Variants in ATP2B2 observed in about 807,000 individuals in gnomAD.
ATP2B2 encodes the protein ATPase plasma membrane Ca2+ transporting 2, also known as plasma membrane calcium-transporting ATPase 2.
Under a neutral mutation model 120.0 loss-of-function variants are expected in ATP2B2, and 15 were observed. The ratio of observed to expected loss-of-function variants is 0.12; its 90% confidence interval spans 0.08 to 0.19. The LOEUF (loss-of-function observed/expected upper bound fraction) is 0.19. ATP2B2 is among the 10% of genes least tolerant of loss of function. ATP2B2 has a pLI of 1.00. For synonymous variants in ATP2B2, 694 were observed against 700.3 expected, an observed-to-expected ratio of 0.99 and a Z score of 0.14; for missense variants, 1,045 against 1,719.8, an observed-to-expected ratio of 0.61 and a Z score of 6.94.
chr3:10,504,793 G>A (rs1479671480), intron 1 of ATP2B2, among the ~76,000 whole-genome samples: 2 of 152,112 alleles, frequency 1.3e-5, no homozygotes, highest in African/African-American at 4.8e-5. Context: ...CTTCTGGGCA[G>A]AGGGTGCCGA....
At chr3:10,654,006 G>A (rs1371845876) in intron 1 of ATP2B2, among the ~76,000 whole-genome samples, 1 of 152,044 alleles carries the variant, frequency 6.6e-6, no homozygotes, top group East Asian at 1.9e-4. Context: ...TTCCTACACA[G>A]CATCAACCTC....
chr3:10,536,152 T>G (rs2067309097), intron 2 of ATP2B2, among the ~76,000 whole-genome samples: 2 of 152,322 alleles, frequency 1.3e-5, no homozygotes, highest in South Asian at 4.1e-4. Flanking sequence ...TTCACGTGCT[T>G]ATTTGTCATC....
chr3:10,559,413 A>C (rs933303478), intron 2 of ATP2B2, among the ~76,000 whole-genome samples: 3 of 152,220 alleles, frequency 2.0e-5, no homozygotes, highest in Admixed American at 2.0e-4. Context: ...CAGAGAAATG[A>C]TAAACGTTTG....
chr3:10,504,903 A>G (rs1056705234), intron 1 of ATP2B2, among the ~76,000 whole-genome samples: 2 of 151,872 alleles, frequency 1.3e-5, no homozygotes, highest in African/African-American at 4.8e-5. Flanking sequence ...CTGCCACCAC[A>G]TGACCCGGCT....
chr3:10,589,889 GT>G (rs1170194418), intron 2 of ATP2B2, among the ~76,000 whole-genome samples: 2 of 152,266 alleles, frequency 1.3e-5, no homozygotes, highest in African/African-American at 4.8e-5. Context: ...TTCTTATAAG[GT>G]GTGACATAAA....
intron 1 of ATP2B2, among the ~76,000 whole-genome samples, chr3:10,699,175 C>T (rs758760337): frequency 3.9e-5 from 6 of 152,202 alleles, no homozygotes; most frequent in African/African-American, 2.4e-5. Context: ...TCTTCTTTCA[C>T]CCTAAACAGT....
At chr3:10,387,984 C>T (rs2061730781) in intron 6 of ATP2B2, 3 of 414,366 alleles carry the variant, frequency 7.2e-6, no homozygotes, top group African/African-American at 6.1e-5. Flanking sequence ...GCTGTTTCCA[C>T]CACTTGAGGC....
chr3:10,383,211 C>T (rs962951799), intron 8 of ATP2B2, among the ~76,000 whole-genome samples: 1 of 151,946 alleles, frequency 6.6e-6, no homozygotes, highest in South Asian at 2.1e-4. Context: ...GCTTTGGGTC[C>T]TGTGATCACA....
At chr3:10,466,614 C>T (rs998986797) in intron 1 of ATP2B2, among the ~76,000 whole-genome samples, 1 of 152,170 alleles carries the variant, frequency 6.6e-6, no homozygotes, top group Non-Finnish European at 1.5e-5. Context: ...GCAGAAACTT[C>T]ATCACTGCCT....
chr3:10,409,292 C>T (rs1345435284), intron 3 of ATP2B2, among the ~76,000 whole-genome samples: 4 of 152,160 alleles, frequency 2.6e-5, no homozygotes, highest in Admixed American at 2.6e-4. Flanking sequence ...ATGTCATCTT[C>T]CTAAATATTT....
intron 1 of ATP2B2, among the ~76,000 whole-genome samples, chr3:10,465,548 A>T (rs907245161): frequency 1.6e-4 from 24 of 152,224 alleles, no homozygotes; most frequent in African/African-American, 5.3e-4. Flanking sequence ...CCTCTGTGAG[A>T]CATGATCTAG....
Position 10,329,234 on chromosome 3 carries a change from G to T in ATP2B2, c.3421-109C>A. On this transcript the variant is annotated intron_variant, in intron 22 of 22. Transcript: ENST00000360273. The surrounding 1 kb of genome is among the most constrained non-coding windows in gnomAD (Gnocchi z 5.9). ...AAGGGTTAGGGCAAAGCAGGTGGCT[G>T]GAATCCATAGTCGCTGGGTGTTATT... The T allele has an allele frequency of 1.8e-6, 2 of 1,096,780 alleles. No homozygotes were observed. Among genetic ancestry groups the T allele is most frequent in the Non-Finnish European group, 2.8e-6 (2 of 727,168 alleles). The allele number at this position is 1,096,780 out of a possible 1,614,324, so 67.9% of individuals were successfully genotyped here. A position where few individuals can be genotyped will look rare whatever the true frequency, so the allele number is the denominator to read the frequency against.
chr3:10,394,947 G>A (rs2061986383), intron 5 of ATP2B2, among the ~76,000 whole-genome samples: 1 of 152,144 alleles, frequency 6.6e-6, no homozygotes, highest in African/African-American at 2.4e-5. Context: ...GTTACTACAA[G>A]GAGGCAGGCT....
At chr3:10,590,945 A>C (rs1163750700) in intron 2 of ATP2B2, among the ~76,000 whole-genome samples, 1 of 151,884 alleles carries the variant, frequency 6.6e-6, no homozygotes, top group African/African-American at 2.4e-5. Flanking sequence ...CCAGGTGAGG[A>C]CTTCCTACTG....
At chr3:10,432,968 T>C (rs1008372505) in intron 2 of ATP2B2, among the ~76,000 whole-genome samples, 1 of 152,184 alleles carries the variant, frequency 6.6e-6, no homozygotes, top group Non-Finnish European at 1.5e-5. Flanking sequence ...GCTCTCAGTA[T>C]GCAGACAGGC....
chr3:10,574,045 AT>A (rs142398870), intron 2 of ATP2B2, among the ~76,000 whole-genome samples: 11,952 of 152,040 alleles, frequency 0.079, 623 homozygotes, highest in Non-Finnish European at 0.11. Context: ...GTTTCCAGAG[AT>A]TCTTCTTGTT....
chr3:10,575,561 T>C (rs1473425790), intron 2 of ATP2B2, among the ~76,000 whole-genome samples: 1 of 152,188 alleles, frequency 6.6e-6, no homozygotes, highest in Non-Finnish European at 1.5e-5. Flanking sequence ...TACACACTTA[T>C]GGGAGCTATG....
chr3:10,353,284 G>T (rs2060627319), intron 14 of ATP2B2, among the ~76,000 whole-genome samples: 1 of 152,216 alleles, frequency 6.6e-6, no homozygotes, highest in Non-Finnish European at 1.5e-5. Context: ...AGCACAGAGG[G>T]CACTGTTGCT....
At chr3:10,572,676 T>C (rs767164636) in intron 2 of ATP2B2, among the ~76,000 whole-genome samples, 1 of 152,140 alleles carries the variant, frequency 6.6e-6, no homozygotes, top group Non-Finnish European at 1.5e-5. Context: ...GGAATGATGG[T>C]GCCTGCCCCC....
Sources: allele counts gnomAD v4.1 joint callset (sites outside exome capture counted in the v4.1 genomes callset), GRCh38; gene constraint gnomAD v4.1.1; non-coding constraint Gnocchi (gnomAD v3.1); transcripts MANE v1.5; gene names NCBI Gene and HGNC (gene_info 2026-07-23, HGNC 2026-07-21).